The following CSMD3 variants were observed in gnomAD, a reference collection of about 807,000 sequenced individuals.
CSMD3 encodes the protein CUB and sushi domain-containing protein 3.
Under a neutral mutation model 435.2 loss-of-function variants are expected in CSMD3, and 177 were observed. The observed-to-expected ratio is 0.41, with a 90% CI of 0.36 to 0.46. CSMD3 has a LOEUF of 0.46. CSMD3 is among the 20% of genes least tolerant of loss of function. The pLI is 0.34. For synonymous variants in CSMD3, 1,656 were observed against 1,520.5 expected (o/e 1.09, Z -2.07); for missense variants, 4,265 against 4,504.6 (o/e 0.95, Z 1.52).
chr8:113,234,630 C>T (rs1038067236), intron 3 of CSMD3, among the ~76,000 whole-genome samples: 8 of 152,114 alleles, frequency 5.3e-5, no homozygotes, highest in Non-Finnish European at 1.0e-4. Flanking sequence ...TTCAGGCTGA[C>T]CTGAATGCTT....
At chr8:113,244,382 C>A (rs948638416) in intron 3 of CSMD3, among the ~76,000 whole-genome samples, 3 of 152,184 alleles carry the variant, frequency 2.0e-5, no homozygotes, top group African/African-American at 4.8e-5. Flanking sequence ...GTGGCGTGAT[C>A]TTTGCTCACT....
rs750825424 is a variant in CSMD3 at position 113,314,743 on chromosome 8, C to T, written c.229G>A (p.Glu77Lys). The change falls in exon 2 of 71, where the codon GAA becomes AAA. Residue 77 changes from glutamate (E) to lysine (K), a missense_variant. Glu to Lys is a moderately conservative substitution (Grantham distance 56). This residue lies in a region of CSMD3 where 731 missense variants were observed against 755.4 expected (regional missense o/e 0.97). Transcript: ENST00000297405. ...TATCCATATGGAAAACCAGGGCTTTCTATAGTGCCATTAAGTCCTTTTAAA... is the reference window on the plus strand; with the variant it reads ...TATCCATATGGAAAACCAGGGCTTTTTATAGTGCCATTAAGTCCTTTTAAA... ...GTLKGLNGTI[E>K]SPGFPYGYPN... The T allele has an allele frequency of 1.1e-5, 18 of 1,613,026 alleles. No homozygotes were observed. Among genetic ancestry groups the T allele is most frequent in the Non-Finnish European group, 1.4e-5 (17 of 1,179,460 alleles).
intron 17 of CSMD3, among the ~76,000 whole-genome samples, chr8:112,657,004 T>C (rs1476592443): frequency 6.6e-6 from 1 of 152,054 alleles, no homozygotes; most frequent in African/African-American, 2.4e-5. Flanking sequence ...GCTCATATTA[T>C]TAAACCCACT....
At chr8:112,277,230 A>C (rs1262365341) in intron 59 of CSMD3, among the ~76,000 whole-genome samples, 1 of 152,112 alleles carries the variant, frequency 6.6e-6, no homozygotes, top group Non-Finnish European at 1.5e-5. Context: ...CAGCACCTGA[A>C]TCACCTCCTG....
At chr8:112,700,440 G>T (rs1191273013) in intron 13 of CSMD3, among the ~76,000 whole-genome samples, 1 of 152,144 alleles carries the variant, frequency 6.6e-6, no homozygotes, top group East Asian at 1.9e-4. Context: ...GGCAGAGGTT[G>T]TAATGAGGAG....
At chr8:113,067,740 A>T (rs2088923229) in intron 5 of CSMD3, among the ~76,000 whole-genome samples, 2 of 152,204 alleles carry the variant, frequency 1.3e-5, no homozygotes, top group African/African-American at 2.4e-5. Context: ...AATACTTCTC[A>T]TATGTTTTTT....
intron 31 of CSMD3, among the ~76,000 whole-genome samples, chr8:112,485,278 C>A (rs1820014781): frequency 6.6e-6 from 1 of 152,118 alleles, no homozygotes; most frequent in Non-Finnish European, 1.5e-5. Flanking sequence ...CTTTCCAACA[C>A]ATAATCTGTG....
chr8:113,102,937 A>G (rs889307153), intron 4 of CSMD3, among the ~76,000 whole-genome samples: 3 of 152,144 alleles, frequency 2.0e-5, no homozygotes, highest in Admixed American at 2.0e-4. Flanking sequence ...CTATGGAGGG[A>G]TAAGAGAGGA....
chr8:112,497,121 C>A (rs1007682999), intron 30 of CSMD3, among the ~76,000 whole-genome samples: 1 of 151,548 alleles, frequency 6.6e-6, no homozygotes, highest in African/African-American at 2.4e-5. Flanking sequence ...CAAAGGAAAA[C>A]TTTTCGTGTT....
intron 9 of CSMD3, among the ~76,000 whole-genome samples, chr8:112,943,275 A>C (rs1587725769): frequency 6.6e-6 from 1 of 151,698 alleles, no homozygotes; most frequent in Non-Finnish European, 1.5e-5. Flanking sequence ...CAATCTGTGG[A>C]ATGTTCTTTC....
chr8:113,426,184 C>T (rs924741586), intron 1 of CSMD3, among the ~76,000 whole-genome samples: 9 of 151,452 alleles, frequency 5.9e-5, no homozygotes, highest in African/African-American at 2.2e-4. Flanking sequence ...ATGCAGGTAG[C>T]TCAGCATAAA....
At chr8:113,187,642 T>G (rs1224218849) in intron 3 of CSMD3, among the ~76,000 whole-genome samples, 1 of 152,000 alleles carries the variant, frequency 6.6e-6, no homozygotes, top group Non-Finnish European at 1.5e-5. Flanking sequence ...TGGTTGAGTT[T>G]TGCCTTTTGT....
At chr8:112,841,145 A>G (rs2080168312) in intron 11 of CSMD3, among the ~76,000 whole-genome samples, 2 of 151,610 alleles carry the variant, frequency 1.3e-5, no homozygotes, top group Admixed American at 6.6e-5. Flanking sequence ...GAAAAGAGGA[A>G]CTATTTAGAT....
chr8:112,861,836 T>C (rs1376485096), intron 10 of CSMD3, among the ~76,000 whole-genome samples: 1 of 151,934 alleles, frequency 6.6e-6, no homozygotes, highest in Non-Finnish European at 1.5e-5. Flanking sequence ...GAGTGGTACT[T>C]AATACTTCGT....
chr8:112,477,456 A>T (rs908929468), intron 31 of CSMD3, among the ~76,000 whole-genome samples: 9 of 152,096 alleles, frequency 5.9e-5, no homozygotes, highest in African/African-American at 2.2e-4. Context: ...CTCAAATCTC[A>T]TATTGAAATG....
At chr8:112,326,847 C>A (rs1404231480) in intron 45 of CSMD3, among the ~76,000 whole-genome samples, 2 of 152,126 alleles carry the variant, frequency 1.3e-5, no homozygotes, top group African/African-American at 4.8e-5. Context: ...ACAGGTGAAA[C>A]CCTGCCTCTA....
intron 30 of CSMD3, among the ~76,000 whole-genome samples, chr8:112,494,532 T>A (rs969983796): frequency 7.0e-6 from 1 of 142,488 alleles, no homozygotes; most frequent in African/African-American, 2.7e-5. Flanking sequence ...TCTTTCTTTC[T>A]TTCTTTCTTT....
At chr8:113,420,686 G>A (rs1471208525) in intron 1 of CSMD3, among the ~76,000 whole-genome samples, 1 of 152,064 alleles carries the variant, frequency 6.6e-6, no homozygotes, top group Non-Finnish European at 1.5e-5. Flanking sequence ...GGTGGCTCAT[G>A]CCTGTAATCC....
chr8:112,270,071 T>C (rs1817320658), intron 59 of CSMD3, among the ~76,000 whole-genome samples: 1 of 152,152 alleles, frequency 6.6e-6, no homozygotes, highest in Non-Finnish European at 1.5e-5. Context: ...GGCATACTTT[T>C]AGAGATAGAT....
Sources: allele counts gnomAD v4.1 joint callset (sites outside exome capture counted in the v4.1 genomes callset), GRCh38; gene constraint gnomAD v4.1.1; regional missense constraint gnomAD v4.1.1; transcripts MANE v1.5; gene names NCBI Gene and HGNC (gene_info 2026-07-23, HGNC 2026-07-21).